The following MIR2052HG variants were observed in gnomAD, a reference collection of about 807,000 sequenced individuals.
MIR2052HG encodes MIR2052 host gene.
chr8:74,603,288 C>G (rs1808052113), intron 1 of MIR2052HG: 1 of 1,562,504 alleles, frequency 6.4e-7, no homozygotes, highest in Non-Finnish European at 8.8e-7. Context: ...CTGCATTGTT[C>G]TAGCTGCTCC....
In MIR2052HG at chr8:74,737,060, G is replaced by A. The variant is rs189248046; in HGVS notation, n.372-15381G>A. On this transcript the variant is annotated intron_variant and non_coding_transcript_variant, in intron 4 of 6. Coordinates refer to ENST00000523442, the Ensembl canonical transcript of MIR2052HG. ...TTTGCAAATCCCCCACCTTTTCTGC[G>A]CGCAGTTGAGAAATTGGCAGTCCGC... is the stretch of plus-strand genomic sequence containing the variant. Among the ~76,000 whole-genome samples the A allele has an allele frequency of 2.0e-5, 3 of 152,288 alleles. No homozygotes were observed. In the East Asian group the frequency reaches 5.8e-4, roughly 29 times the overall value.
rs550122700 is a variant in MIR2052HG, at chr8:74,730,888, G to A, written n.372-21553G>A. ...TGAGAATATATACAGGATCTTGGGC[G>A]GTGGCCAGTGGCCAGACCTTCTGCT... On this transcript the variant is annotated intron_variant and non_coding_transcript_variant, in intron 4 of 6. Transcript: ENST00000523442. Among the ~76,000 whole-genome samples, 569 of 152,162 alleles carry A rather than the reference G, an allele frequency of 3.7e-3. 4 individuals carry two copies. The highest frequency in any genetic ancestry group is 0.013 in the African/African-American group (527 of 41,522).
At chr8:74,654,625 C>T (rs186418652) in intron 2 of MIR2052HG, among the ~76,000 whole-genome samples, 20 of 152,194 alleles carry the variant, frequency 1.3e-4, no homozygotes, top group African/African-American at 3.6e-4. Flanking sequence ...GTACATTTTG[C>T]GTCCTGCCAT....
At chr8:74,715,290 A>C (rs1809509232) in intron 4 of MIR2052HG, among the ~76,000 whole-genome samples, 1 of 152,134 alleles carries the variant, frequency 6.6e-6, no homozygotes, top group South Asian at 2.1e-4. Flanking sequence ...CAGGATTCAT[A>C]AAATAACTAA....
chr8:74,667,770 C>T lies in MIR2052HG; in HGVS notation n.217-34609C>T, dbSNP rs185982642. 8.6e-4 allele frequency among the ~76,000 whole-genome samples: 131 copies of T among 152,224 alleles called. 3 individuals are homozygous for T. In the East Asian group the frequency reaches 0.018, roughly 21 times the overall value. On this transcript the variant is annotated intron_variant and non_coding_transcript_variant, in intron 2 of 6. Coordinates refer to ENST00000523442, the Ensembl canonical transcript of MIR2052HG. Reference sequence around the variant, plus strand: ...ACCGCAGCACTCCATTAATTGTGGGCATGGGATGCTCAGGAGAACCACCCC... The same window carrying T: ...ACCGCAGCACTCCATTAATTGTGGGTATGGGATGCTCAGGAGAACCACCCC...
At chr8:74,722,909 C>T (rs269171) in intron 4 of MIR2052HG, among the ~76,000 whole-genome samples, 99,325 of 152,166 alleles carry the variant, frequency 0.65, 34,024 homozygotes, top group African/African-American at 0.87. Flanking sequence ...CAACTGACCA[C>T]GCTCTTAACT....
chr8:74,600,475 C>G (rs1190557768), intron 1 of MIR2052HG, among the ~76,000 whole-genome samples: 1 of 149,740 alleles, frequency 6.7e-6, no homozygotes, highest in Middle Eastern at 3.4e-3. Flanking sequence ...CCCAGCTACT[C>G]GGAGGCTGAG....
intron 2 of MIR2052HG, among the ~76,000 whole-genome samples, chr8:74,617,456 G>T (rs1056356054): frequency 1.4e-5 from 2 of 147,294 alleles, no homozygotes; most frequent in Non-Finnish European, 3.0e-5. Flanking sequence ...TATTCCATTG[G>T]GTGTGTGTGT....
At chr8:74,681,280 T>G (rs1228978339) in intron 2 of MIR2052HG, among the ~76,000 whole-genome samples, 1 of 152,024 alleles carries the variant, frequency 6.6e-6, no homozygotes, top group East Asian at 1.9e-4. Context: ...TTAAATACAA[T>G]GCAATTCCAG....
intron 4 of MIR2052HG, among the ~76,000 whole-genome samples, chr8:74,729,698 C>A (rs1809671157): frequency 6.6e-6 from 1 of 152,130 alleles, no homozygotes; most frequent in East Asian, 1.9e-4. Context: ...GCATTCCAGT[C>A]TCTTGAGCAC....
At chr8:74,613,819 AT>A (rs1227092704) in intron 2 of MIR2052HG, among the ~76,000 whole-genome samples, 2 of 152,068 alleles carry the variant, frequency 1.3e-5, no homozygotes, top group Non-Finnish European at 2.9e-5. Flanking sequence ...CATTATCAGG[AT>A]TTGTTGATCT....
At chr8:74,653,451 CATGAG>C (rs1808772973) in intron 2 of MIR2052HG, among the ~76,000 whole-genome samples, 1 of 152,112 alleles carries the variant, frequency 6.6e-6, no homozygotes, top group Non-Finnish European at 1.5e-5. Context: ...AATCCCTGGC[CATGAG>C]ATTTCAGTGG....
intron 5 of MIR2052HG, among the ~76,000 whole-genome samples, chr8:74,756,409 G>A (rs1195999317): frequency 5.3e-5 from 8 of 152,154 alleles, no homozygotes; most frequent in African/African-American, 1.2e-4. Context: ...GATAATCACC[G>A]TGAACATTCT....
intron 1 of MIR2052HG, among the ~76,000 whole-genome samples, chr8:74,602,321 G>C (rs1287644667): frequency 6.6e-6 from 1 of 152,148 alleles, no homozygotes; most frequent in Non-Finnish European, 1.5e-5. Context: ...CAAATGCCGT[G>C]GCAAGGTATG....
At chr8:74,629,783 T>C (rs1275106193) in intron 2 of MIR2052HG, among the ~76,000 whole-genome samples, 1 of 152,038 alleles carries the variant, frequency 6.6e-6, no homozygotes, top group Non-Finnish European at 1.5e-5. Flanking sequence ...ATATCAATGG[T>C]CACTCCTCTT....
intron 2 of MIR2052HG, among the ~76,000 whole-genome samples, chr8:74,645,525 T>G (rs1336971770): frequency 6.6e-6 from 1 of 152,240 alleles, no homozygotes; most frequent in Non-Finnish European, 1.5e-5. Flanking sequence ...CCTCAGGTGA[T>G]CTGCCTGCTT....
At chr8:74,750,693 TC>T (rs1809935403) in intron 4 of MIR2052HG, among the ~76,000 whole-genome samples, 1 of 152,210 alleles carries the variant, frequency 6.6e-6, no homozygotes, top group African/African-American at 2.4e-5. Flanking sequence ...AACAGGACCA[TC>T]ATAACTCTTG....
At chr8:74,602,877 T>TTTCTTTTCTTTCTTTCTTTCTTTCTTTC (rs1808041801) in intron 1 of MIR2052HG, among the ~76,000 whole-genome samples, 5 of 53,784 alleles carry the variant, frequency 9.3e-5, no homozygotes, top group Admixed American at 1.8e-4. Context: ...TTCTTTCTTT[T>TTTCTTTTCTTTCTTTCTTTCTTTCTTTC]TTCTATTCAC....
intron 2 of MIR2052HG, among the ~76,000 whole-genome samples, chr8:74,683,573 A>C (rs985997699): frequency 2.0e-5 from 3 of 152,068 alleles, no homozygotes. Context: ...TCCTTGATTC[A>C]TTTTAACCAT....
Sources: gnomAD v4.1 joint callset for allele counts (sites outside exome capture counted in the v4.1 genomes callset) on GRCh38, gnomAD v4.1.1 for gene constraint, MANE v1.5 for transcripts, NCBI Gene and HGNC (gene_info 2026-07-23, HGNC 2026-07-21) for gene names.